RPRD1B: variants seen among roughly 807,000 people sequenced by gnomAD.
The protein encoded by RPRD1B is regulation of nuclear pre-mRNA domain-containing protein 1B.
RPRD1B carries 11 observed loss-of-function variants against 41.5 expected under a neutral mutation model. That is an observed-to-expected ratio of 0.27 (90% CI 0.17 to 0.44). RPRD1B has a LOEUF of 0.44. RPRD1B is among the 20% of genes least tolerant of loss of function. The pLI is 1.00. For synonymous variants in RPRD1B, 158 were observed against 155.6 expected (o/e 1.02, Z -0.12); for missense variants, 248 against 389.9 (o/e 0.64, Z 3.06).
intron 6 of RPRD1B, among the ~76,000 whole-genome samples, chr20:38,078,827 A>G (rs998536661): frequency 6.6e-6 from 1 of 152,130 alleles, no homozygotes; most frequent in African/African-American, 2.4e-5. Flanking sequence ...TTCCAATATT[A>G]TAGGTAGACC....
chr20:38,070,095 G>A lies in RPRD1B; in HGVS notation c.831+3839G>A, dbSNP rs779652889. ...GTAAAGAATATGTTAGTACGGAAAG[G>A]TAACCATTTTTAGAAGTTTCTGTAG... On this transcript the variant is annotated intron_variant, in intron 6 of 6. Transcript: ENST00000373433. 6.6e-6 allele frequency: 4 copies of A among 605,826 alleles called. No homozygotes were observed. The South Asian group carries it at 2.2e-4, about 33-fold the overall frequency. The allele number at this position is 605,826 out of a possible 1,614,324, so 37.5% of individuals were successfully genotyped here.
intron 5 of RPRD1B, among the ~76,000 whole-genome samples, chr20:38,060,773 A>G (rs2074289282): frequency 6.6e-6 from 1 of 152,070 alleles, no homozygotes; most frequent in African/African-American, 2.4e-5. Flanking sequence ...TGGGACCTGC[A>G]GTCTCTTGAT....
chr20:38,078,587 A>G (rs960791056), intron 6 of RPRD1B, among the ~76,000 whole-genome samples: 1 of 152,044 alleles, frequency 6.6e-6, no homozygotes, highest in Non-Finnish European at 1.5e-5. Flanking sequence ...ATTGTCACTC[A>G]GGCATGTCCA....
chr20:38,039,407 CTTT>C (rs1165738530), intron 1 of RPRD1B, among the ~76,000 whole-genome samples: 2 of 141,724 alleles, frequency 1.4e-5, no homozygotes, highest in South Asian at 2.3e-4. Flanking sequence ...TACAAGAAAC[CTTT>C]TTTTTTTTTT....
rs759081671 is a variant in RPRD1B, at chr20:38,040,615, C to T, written c.281+51C>T. On this transcript the variant is annotated intron_variant, in intron 2 of 6. Coordinates refer to ENST00000373433, the MANE Select transcript of RPRD1B (RefSeq NM_021215.4). ...TTTTTAAATTCATTGCCTTTCCCAC[C>T]TTTTTGTTCTTTCCTTTTCTGTGAT... The T allele has an allele frequency of 1.1e-5, 17 of 1,561,406 alleles. No individual in the cohort carries two copies. In the Admixed American group the frequency reaches 3.3e-4, roughly 31 times the overall value.
chr20:38,088,792 T>G (rs974762760), intron 6 of RPRD1B, among the ~76,000 whole-genome samples: 1 of 152,196 alleles, frequency 6.6e-6, no homozygotes, highest in Non-Finnish European at 1.5e-5. Flanking sequence ...GTACACACCC[T>G]GTGTGAGGGA....
At chr20:38,045,743 A>C (rs540346565) in intron 2 of RPRD1B, among the ~76,000 whole-genome samples, 2 of 152,284 alleles carry the variant, frequency 1.3e-5, no homozygotes, top group South Asian at 2.1e-4. Context: ...TATTCTCGAG[A>C]CTGGTTTCTC....
intron 3 of RPRD1B, among the ~76,000 whole-genome samples, chr20:38,050,569 A>G (rs2074175073): frequency 6.6e-6 from 1 of 152,226 alleles, no homozygotes. Flanking sequence ...GTTGAATTTC[A>G]ATTTAATGTA....
At chr20:38,034,610 A>G (rs1305360753) in intron 1 of RPRD1B, among the ~76,000 whole-genome samples, 1 of 152,184 alleles carries the variant, frequency 6.6e-6, no homozygotes, top group Non-Finnish European at 1.5e-5. Flanking sequence ...CCTTTACTTC[A>G]TACCAGTCAC....
chr20:38,067,980 C>T (rs1229887646), intron 6 of RPRD1B, among the ~76,000 whole-genome samples: 2 of 152,208 alleles, frequency 1.3e-5, no homozygotes, highest in Non-Finnish European at 2.9e-5. Context: ...CCATAGAGGA[C>T]AGAGTCTTTG....
At chr20:38,073,592 T>C (rs1258654493) in intron 6 of RPRD1B, among the ~76,000 whole-genome samples, 1 of 152,242 alleles carries the variant, frequency 6.6e-6, no homozygotes, top group Non-Finnish European at 1.5e-5. Context: ...AGCACCTCCC[T>C]GCAGGGTGCA....
intron 6 of RPRD1B, among the ~76,000 whole-genome samples, chr20:38,082,481 G>C (rs2074522479): frequency 1.3e-5 from 2 of 152,160 alleles, no homozygotes; most frequent in Non-Finnish European, 2.9e-5. Flanking sequence ...CCGCCTCCCA[G>C]ATTCACACCA....
intron 1 of RPRD1B, among the ~76,000 whole-genome samples, chr20:38,037,261 C>T (rs943116053): frequency 3.3e-5 from 5 of 152,146 alleles, no homozygotes; most frequent in Non-Finnish European, 7.3e-5. Context: ...AGTAGAACGT[C>T]TCCCCTTCTT....
At chr20:38,081,581 G>C (rs994587793) in intron 6 of RPRD1B, among the ~76,000 whole-genome samples, 18 of 152,170 alleles carry the variant, frequency 1.2e-4, no homozygotes, top group Admixed American at 3.9e-4. Flanking sequence ...AGGACTTCCA[G>C]TACTGTGTTG....
intron 1 of RPRD1B, among the ~76,000 whole-genome samples, chr20:38,035,367 T>C (rs1301402564): frequency 6.6e-6 from 1 of 152,200 alleles, no homozygotes; most frequent in Non-Finnish European, 1.5e-5. Flanking sequence ...TTCTATACTA[T>C]CTGTGAGTTG....
intron 2 of RPRD1B, among the ~76,000 whole-genome samples, 181 bp from the exon 3 acceptor site, chr20:38,048,167 C>T (rs1470928048): frequency 6.6e-6 from 1 of 152,038 alleles, no homozygotes; most frequent in African/African-American, 2.4e-5. Flanking sequence ...TCCCACTGCA[C>T]GAAGAATGTA....
Position 38,066,025 on chromosome 20 carries a change from G to A in RPRD1B, c.656-56G>A, listed in dbSNP as rs926347205. ...TTAACCTCCCCCAGAAATGTTTGTA[G>A]TCATACCTGTGTGATTTGTATATTT... On this transcript the variant is annotated intron_variant, in intron 5 of 6. Coordinates refer to ENST00000373433, the MANE Select transcript of RPRD1B (RefSeq NM_021215.4). 3 of 1,562,606 alleles carry A rather than the reference G, an allele frequency of 1.9e-6. No individual in the cohort carries two copies. The African/African-American group carries it at 4.1e-5, about 21-fold the overall frequency.
At chr20:38,088,400 AC>A (rs1438214997) in intron 6 of RPRD1B, among the ~76,000 whole-genome samples, 1 of 152,248 alleles carries the variant, frequency 6.6e-6, no homozygotes, top group Non-Finnish European at 1.5e-5. Context: ...AGAAGGGAAC[AC>A]ATCCACGGTC....
At chr20:38,064,733 A>G (rs192596561) in intron 5 of RPRD1B, among the ~76,000 whole-genome samples, 74 of 152,326 alleles carry the variant, frequency 4.9e-4, no homozygotes, top group African/African-American at 1.7e-3. Context: ...TTAATTGGAT[A>G]TGAAATCAGT....
Sources: allele counts gnomAD v4.1 joint callset (sites outside exome capture counted in the v4.1 genomes callset), GRCh38; gene constraint gnomAD v4.1.1; transcripts MANE v1.5; gene names NCBI Gene and HGNC (gene_info 2026-07-23, HGNC 2026-07-21).